EBF2: variants seen among roughly 807,000 people sequenced by gnomAD.
The protein encoded by EBF2 is EBF transcription factor 2.
A neutral mutation model predicts 72.8 loss-of-function variants in EBF2; 21 were observed. The ratio of observed to expected loss-of-function variants is 0.29; its 90% CI spans 0.20 to 0.42. The LOEUF (loss-of-function observed/expected upper bound fraction) is 0.42. EBF2 is among the 10% of genes least tolerant of loss of function. EBF2 has a pLI of 1.00. For missense variants in EBF2, 637 were observed against 731.2 expected (o/e 0.87, Z 1.49); for synonymous variants, 299 against 274.2 (o/e 1.09, Z -0.89).
At chr8:25,847,355 C>G (rs1481291810) in intron 15 of EBF2, among the ~76,000 whole-genome samples, 2 of 152,138 alleles carry the variant, frequency 1.3e-5, no homozygotes, top group Non-Finnish European at 2.9e-5. Context: ...TGTCTGAGAT[C>G]CCAGGATTTT....
At chr8:26,029,004 A>C (rs1227173936) in intron 6 of EBF2, among the ~76,000 whole-genome samples, 2 of 152,188 alleles carry the variant, frequency 1.3e-5, no homozygotes, top group African/African-American at 2.4e-5. Context: ...AAAAATGAAA[A>C]TAGAAAATAA....
At chr8:25,906,922 T>C (rs907741276) in intron 7 of EBF2, among the ~76,000 whole-genome samples, 2 of 152,116 alleles carry the variant, frequency 1.3e-5, no homozygotes, top group Non-Finnish European at 2.9e-5. Flanking sequence ...ATAGCCATGA[T>C]GGGGTTAAAA....
At chr8:25,935,323 T>C (rs953567316) in intron 6 of EBF2, among the ~76,000 whole-genome samples, 2 of 152,202 alleles carry the variant, frequency 1.3e-5, no homozygotes, top group Non-Finnish European at 2.9e-5. Flanking sequence ...GTTAAATCTT[T>C]GCATTATGCA....
chr8:25,920,367 C>T (rs1563400877), intron 6 of EBF2, among the ~76,000 whole-genome samples: 1 of 152,190 alleles, frequency 6.6e-6, no homozygotes, highest in Non-Finnish European at 1.5e-5. Flanking sequence ...AGGCTTTCGC[C>T]ACTTCCTCCA....
chr8:25,958,523 C>A (rs1585208186), intron 6 of EBF2, among the ~76,000 whole-genome samples: 1 of 152,154 alleles, frequency 6.6e-6, no homozygotes, highest in African/African-American at 2.4e-5. Context: ...CACCTCTCTG[C>A]AGTTTCAAAT....
intron 6 of EBF2, among the ~76,000 whole-genome samples, chr8:25,979,482 C>T (rs1199115166): frequency 1.3e-5 from 2 of 152,194 alleles, no homozygotes; most frequent in Non-Finnish European, 2.9e-5. Flanking sequence ...GCAGGTGGAA[C>T]ACAGGACCCC....
intron 6 of EBF2, among the ~76,000 whole-genome samples, chr8:26,005,673 A>C (rs1409842917): frequency 6.9e-6 from 1 of 144,518 alleles, no homozygotes; most frequent in Non-Finnish European, 1.5e-5. Context: ...CTACAAAAAA[A>C]ATTAAAAATA....
rs548332456 is a variant in EBF2, at chr8:25,902,370, T to C, written c.633+6104A>G. ...CTGGGTGTTTCACCTAATTGTTCCA[T>C]TTCAAGGAGGGCAGAAGTGATTTTC... On this transcript the variant is annotated intron_variant, in intron 7 of 15. Transcript: ENST00000520164. Among the ~76,000 whole-genome samples the C allele has an allele frequency of 2.6e-5, 4 of 152,304 alleles. No individual in the cohort carries two copies. In the South Asian group the frequency reaches 8.3e-4, roughly 32 times the overall value.
intron 6 of EBF2, among the ~76,000 whole-genome samples, chr8:26,024,460 AG>A (rs1231428398): frequency 1.3e-5 from 2 of 152,194 alleles, no homozygotes; most frequent in African/African-American, 4.8e-5. Context: ...ATGGCATAAT[AG>A]GCCCTTGATA....
chr8:26,038,680 C>A (rs1052280507), intron 5 of EBF2, among the ~76,000 whole-genome samples: 1 of 152,218 alleles, frequency 6.6e-6, no homozygotes, highest in Admixed American at 6.5e-5. Context: ...ATCTATCAAA[C>A]GTCCCTGAGA....
At chr8:25,922,275 AC>A (rs1287681958) in intron 6 of EBF2, among the ~76,000 whole-genome samples, 3 of 152,066 alleles carry the variant, frequency 2.0e-5, no homozygotes, top group South Asian at 2.1e-4. Flanking sequence ...AACAAAAAAA[AC>A]ACCTGGTTTT....
chr8:25,984,354 T>C (rs758200183), intron 6 of EBF2, among the ~76,000 whole-genome samples: 22 of 151,148 alleles, frequency 1.5e-4, no homozygotes, highest in Non-Finnish European at 2.9e-4. Context: ...TTTTCCAACA[T>C]TTACAAGGCA....
chr8:26,042,378 C>A (rs1246309646), intron 1 of EBF2, 127 bp from the exon 2 acceptor site: 4 of 1,217,510 alleles, frequency 3.3e-6, no homozygotes, highest in Non-Finnish European at 4.5e-6. Flanking sequence ...CTGAACCCTT[C>A]GGGCCTTTTT....
chr8:26,031,012 A>C (rs1335792563), intron 6 of EBF2, among the ~76,000 whole-genome samples: 34 of 152,254 alleles, frequency 2.2e-4, no homozygotes, highest in Admixed American at 2.2e-3. Flanking sequence ...GTAGTTCTTT[A>C]AAGTAAGAGC....
chr8:25,894,300 C>A (rs1471131092), intron 7 of EBF2, among the ~76,000 whole-genome samples: 1 of 152,170 alleles, frequency 6.6e-6, no homozygotes, highest in Non-Finnish European at 1.5e-5. Flanking sequence ...ATTTAAGTTC[C>A]TTCACTGTTT....
chr8:25,872,679 A>AAACAACAAC (rs113792737), intron 10 of EBF2, among the ~76,000 whole-genome samples: 34 of 151,378 alleles, frequency 2.2e-4, no homozygotes, highest in African/African-American at 6.8e-4. Flanking sequence ...GTAAGAAAGC[A>AAACAACAAC]AACAACAACA....
chr8:25,857,532 T>A (rs984032690), intron 14 of EBF2, among the ~76,000 whole-genome samples: 1 of 152,152 alleles, frequency 6.6e-6, no homozygotes, highest in East Asian at 1.9e-4. Flanking sequence ...CCTCTCCATG[T>A]CAGCTTGTCC....
At chr8:25,982,457 A>AC (rs1476635017) in intron 6 of EBF2, among the ~76,000 whole-genome samples, 3 of 152,178 alleles carry the variant, frequency 2.0e-5, no homozygotes, top group African/African-American at 7.2e-5. Context: ...TTGCCCCTTG[A>AC]ACCTCCACCA....
At chr8:25,876,988 T>G (rs2117279242) in intron 10 of EBF2, among the ~76,000 whole-genome samples, 1 of 152,302 alleles carries the variant, frequency 6.6e-6, no homozygotes, top group South Asian at 2.1e-4. Flanking sequence ...AAAGACTTCT[T>G]AACCAGCTGT....
Sources: allele counts gnomAD v4.1 joint callset (sites outside exome capture counted in the v4.1 genomes callset), GRCh38; gene constraint gnomAD v4.1.1; transcripts MANE v1.5; gene names NCBI Gene and HGNC (gene_info 2026-07-23, HGNC 2026-07-21).